The following RPH3A variants were observed in gnomAD, a reference collection of about 807,000 sequenced individuals.
RPH3A encodes the protein rabphilin-3A.
A neutral mutation model predicts 102.2 loss-of-function variants in RPH3A; 48 were observed. The ratio of observed to expected loss-of-function variants is 0.47; its 90% CI spans 0.37 to 0.60. RPH3A has a LOEUF of 0.60. Among genes scored for constraint, RPH3A ranks in the 20% least tolerant of loss-of-function variants. RPH3A has a pLI of 0.00. For missense variants in RPH3A, 781 were observed against 910.1 expected (o/e 0.86, Z 1.83); for synonymous variants, 310 against 324.3 (o/e 0.96, Z 0.47).
At chr12:112,727,054 TA>T (rs2040595840) in intron 1 of RPH3A, among the ~76,000 whole-genome samples, 1 of 151,318 alleles carries the variant, frequency 6.6e-6, no homozygotes. Flanking sequence ...AATAAATAAA[TA>T]AAATAAAAAA....
chr12:112,598,395 C>T (rs1316995034), intron 1 of RPH3A, among the ~76,000 whole-genome samples: 4 of 152,108 alleles, frequency 2.6e-5, no homozygotes, highest in Admixed American at 6.5e-5. Context: ...TGAATATATT[C>T]GGAATAGGAA....
At chr12:112,703,919 A>G (rs1330281384) in intron 1 of RPH3A, among the ~76,000 whole-genome samples, 1 of 152,056 alleles carries the variant, frequency 6.6e-6, no homozygotes, top group Non-Finnish European at 1.5e-5. Flanking sequence ...TTGGGCAATG[A>G]ACCTATTACA....
At chr12:112,832,198 G>A (rs116331159) in intron 3 of RPH3A, among the ~76,000 whole-genome samples, 7,620 of 151,772 alleles carry the variant, frequency 0.05, 664 homozygotes, top group African/African-American at 0.17. Flanking sequence ...CTGTATTTTG[G>A]GTAATTTCTT....
chr12:112,807,226 G>C (rs1053255777), intron 2 of RPH3A, among the ~76,000 whole-genome samples: 1 of 152,064 alleles, frequency 6.6e-6, no homozygotes, highest in African/African-American at 2.4e-5. Context: ...TGCAGTGCAG[G>C]GTTCACATGA....
intron 1 of RPH3A, among the ~76,000 whole-genome samples, chr12:112,605,610 T>G (rs897451385): frequency 6.6e-6 from 1 of 152,210 alleles, no homozygotes; most frequent in Non-Finnish European, 1.5e-5. Flanking sequence ...GCCCTTGTAT[T>G]AAATAGCCCT....
chr12:112,673,960 T>C (rs1427537761), intron 1 of RPH3A, among the ~76,000 whole-genome samples: 2 of 152,210 alleles, frequency 1.3e-5, no homozygotes, highest in African/African-American at 2.4e-5. Flanking sequence ...ATTCTTGTTA[T>C]GTTGTCCAGA....
chr12:112,738,652 A>C (rs530556254), intron 1 of RPH3A, among the ~76,000 whole-genome samples: 18 of 152,196 alleles, frequency 1.2e-4, no homozygotes, highest in African/African-American at 4.1e-4. Flanking sequence ...TTGTTTGGGG[A>C]GCTGCACTAC....
At chr12:112,889,807 C>T (rs939929740) in intron 17 of RPH3A, among the ~76,000 whole-genome samples, 1 of 152,186 alleles carries the variant, frequency 6.6e-6, no homozygotes, top group African/African-American at 2.4e-5. Context: ...GTAACAGAAC[C>T]TATATCATAG....
At chr12:112,772,082 C>A (rs1463967537) in intron 1 of RPH3A, among the ~76,000 whole-genome samples, 1 of 152,198 alleles carries the variant, frequency 6.6e-6, no homozygotes, top group Non-Finnish European at 1.5e-5. Context: ...ATTTTCACTT[C>A]TCATTCTAAA....
At chr12:112,754,600 G>C (rs1437594786) in intron 1 of RPH3A, among the ~76,000 whole-genome samples, 4 of 152,188 alleles carry the variant, frequency 2.6e-5, no homozygotes, top group Non-Finnish European at 5.9e-5. Flanking sequence ...TTGGCACTGA[G>C]TTTCCTGGCT....
At chr12:112,660,913 A>T (rs1036297654) in intron 1 of RPH3A, among the ~76,000 whole-genome samples, 1 of 152,142 alleles carries the variant, frequency 6.6e-6, no homozygotes, top group Non-Finnish European at 1.5e-5. Context: ...ACAGCTGGGC[A>T]GTAGAGCCTC....
rs11375355 is a variant in RPH3A, at chr12:112,774,063, C to CAAAAAAAAAAAAAAAAAAAAAAAAAAA, written c.-139-18066_-139-18065insAAAAAAAAAAAAAAAAAAAAAAAAAAA. On this transcript the variant is annotated intron_variant, in intron 1 of 21. Transcript: ENST00000543106. Reference sequence around the variant, plus strand: ...TCACGCCACTGCACTCCAGCCTGGGCAAAAAAAAAAAAAAGAAAAAGAGAA... The same window carrying CAAAAAAAAAAAAAAAAAAAAAAAAAAA: ...TCACGCCACTGCACTCCAGCCTGGGCAAAAAAAAAAAAAAAAAAAAAAAAAAAAAAAAAAAAAAAAAGAAAAAGAGAA... Among the ~76,000 whole-genome samples, 81 of 108,332 alleles carry CAAAAAAAAAAAAAAAAAAAAAAAAAAA rather than the reference C, an allele frequency of 7.5e-4. 2 individuals carry two copies. Among genetic ancestry groups the CAAAAAAAAAAAAAAAAAAAAAAAAAAA allele is most frequent in the African/African-American group, 2.3e-3 (57 of 25,302 alleles). 71.1% of individuals were successfully genotyped at this position (108,332 alleles called of 152,430 possible). A position where few individuals can be genotyped will look rare whatever the true frequency, so the allele number is the denominator to read the frequency against.
At chr12:112,843,816 A>C in intron 4 of RPH3A, among the ~76,000 whole-genome samples, 1 of 152,044 alleles carries the variant, frequency 6.6e-6, no homozygotes. Context: ...GGGGCAGGTG[A>C]AGTGTCCATT....
Position 112,869,816 on chromosome 12 carries a change from G to A in RPH3A, c.649+19G>A, listed in dbSNP as rs766830169. ...AAGACAGGTGGGTTCTGCTGACTCT[G>A]TTTTGTCATTTGAGACACGAATTCA... On this transcript the variant is annotated intron_variant, in intron 9 of 21. Coordinates refer to ENST00000389385, the MANE Select transcript of RPH3A (RefSeq NM_001143854.2). The A allele has an allele frequency of 6.2e-7, 1 of 1,614,146 alleles. No homozygotes were observed. Among genetic ancestry groups the A allele is most frequent in the Non-Finnish European group, 8.5e-7 (1 of 1,180,020 alleles).
intron 14 of RPH3A, 94 bp from the exon 15 acceptor site, chr12:112,881,675 CAGG>C (rs2042915787): frequency 1.3e-6 from 1 of 772,376 alleles, no homozygotes; most frequent in African/African-American, 1.8e-5. Context: ...CGTGGACCAA[CAGG>C]CAGGACAGAT....
chr12:112,879,402 C>T (rs986159606), intron 14 of RPH3A, among the ~76,000 whole-genome samples: 25 of 152,252 alleles, frequency 1.6e-4, no homozygotes, highest in African/African-American at 6.0e-4. Context: ...AGGGGTTTCA[C>T]TTATCTGCAA....
intron 1 of RPH3A, among the ~76,000 whole-genome samples, chr12:112,692,385 A>T (rs1009490889): frequency 6.6e-6 from 1 of 152,228 alleles, no homozygotes; most frequent in Non-Finnish European, 1.5e-5. Context: ...CTTTGAGCTG[A>T]TCACTATATA....
intron 1 of RPH3A, among the ~76,000 whole-genome samples, chr12:112,724,465 T>C (rs2040573335): frequency 6.6e-6 from 1 of 152,198 alleles, no homozygotes; most frequent in African/African-American, 2.4e-5. Context: ...AAAAAAGTCA[T>C]GCATAAATGA....
chr12:112,691,336 A>C (rs1458692111), intron 1 of RPH3A, among the ~76,000 whole-genome samples: 1 of 152,196 alleles, frequency 6.6e-6, no homozygotes, highest in East Asian at 1.9e-4. Flanking sequence ...GTGTAAAAAA[A>C]AGCCCAGAAA....
Sources: gnomAD v4.1 joint callset for allele counts (sites outside exome capture counted in the v4.1 genomes callset) on GRCh38, gnomAD v4.1.1 for gene constraint, MANE v1.5 for transcripts, NCBI Gene and HGNC (gene_info 2026-07-23, HGNC 2026-07-21) for gene names.